OMA1: variants seen among roughly 807,000 people sequenced by gnomAD.
OMA1 encodes the protein OMA1 zinc metallopeptidase.
In OMA1, 38 loss-of-function variants were observed where a neutral mutation model predicts 30.9. The observed-to-expected ratio is 1.23, with a 90% CI of 0.95 to 1.61. The LOEUF (loss-of-function observed/expected upper bound fraction) is 1.61, where lower values mean the gene tolerates loss of function less well. Among genes scored for constraint, OMA1 ranks in the 40% most tolerant of loss-of-function variants. The pLI is 0.00. For missense variants in OMA1, 461 were observed against 349.2 expected (o/e 1.32, Z -2.55); for synonymous variants, 173 against 121.9 (o/e 1.42, Z -2.76).
chr1:58,525,880 G>C (rs1347430425), intron 7 of OMA1, among the ~76,000 whole-genome samples: 1 of 151,988 alleles, frequency 6.6e-6, no homozygotes, highest in African/African-American at 2.4e-5. Flanking sequence ...GAACAGAATA[G>C]TGTGTCTAGA....
In OMA1 at chr1:58,494,177, C is replaced by T. The variant is rs555090665; in HGVS notation, c.1365+11883G>A. Reference sequence around the variant, plus strand: ...AAATAAGAAATGGGGAAAGGATTCCCTCTTTAATAAATGGTGCTGGGAAAA... The same window carrying T: ...AAATAAGAAATGGGGAAAGGATTCCTTCTTTAATAAATGGTGCTGGGAAAA... On this transcript the variant is annotated intron_variant, in intron 8 of 8. Transcript: ENST00000371226. 1.6e-3 allele frequency among the ~76,000 whole-genome samples: 249 copies of T among 152,310 alleles called. 1 individual carries two copies. Among genetic ancestry groups the T allele is most frequent in the African/African-American group, 5.8e-3 (243 of 41,558 alleles).
At chr1:58,521,378 G>A (rs915601197) in intron 7 of OMA1, among the ~76,000 whole-genome samples, 4 of 150,966 alleles carry the variant, frequency 2.6e-5, no homozygotes, top group Non-Finnish European at 4.4e-5. Context: ...TCTTAAGTTA[G>A]GGAAAGAACC....
chr1:58,481,298 G>T (rs149501129), intron 8 of OMA1, 124 bp from the exon 9 acceptor site: 3 of 411,844 alleles, frequency 7.3e-6, no homozygotes, highest in Admixed American at 4.2e-5. Context: ...TTAATAAAAG[G>T]TATCTTGATT....
chr1:58,487,910 TCTC>T (rs111787440), intron 8 of OMA1, among the ~76,000 whole-genome samples: 7,317 of 152,220 alleles, frequency 0.048, 218 homozygotes, highest in African/African-American at 0.063. Flanking sequence ...CCGTACCTCT[TCTC>T]CTGATCCTAT....
chr1:58,493,890 C>G (rs1357759189), intron 8 of OMA1, among the ~76,000 whole-genome samples: 2 of 150,992 alleles, frequency 1.3e-5, no homozygotes, highest in African/African-American at 4.9e-5. Flanking sequence ...CTACCAATGA[C>G]TTTCTTCACA....
intron 6 of OMA1, 46 bp downstream of exon 6, chr1:58,530,555 C>A: frequency 1.2e-6 from 1 of 824,994 alleles, no homozygotes; most frequent in Non-Finnish European, 2.1e-6. Flanking sequence ...ATTAAAATAT[C>A]TTCACCAGAG....
At chr1:58,501,424 G>A (rs1431263498) in intron 8 of OMA1, among the ~76,000 whole-genome samples, 1 of 152,146 alleles carries the variant, frequency 6.6e-6, no homozygotes, top group African/African-American at 2.4e-5. Flanking sequence ...CACTCCTCCA[G>A]TCCTCTGCTC....
Position 58,518,281 on chromosome 1 carries a change from A to G in OMA1, c.1215+8980T>C, listed in dbSNP as rs1446966290. The stretch of plus-strand genomic sequence containing the variant: ...GAGGGGAGAGGAGAGAGGAGAGGAG[A>G]AGAGAAGAGAAGAGAAGAGAAGAGA... On this transcript the variant is annotated intron_variant, in intron 7 of 8. Coordinates refer to ENST00000371226, the MANE Select transcript of OMA1 (RefSeq NM_145243.5). Among the ~76,000 whole-genome samples, 5 of 5,916 alleles carry G rather than the reference A, an allele frequency of 8.5e-4. 1 individual carries two copies. The highest frequency in any genetic ancestry group is 2.7e-3 in the African/African-American group (3 of 1,098). The allele number at this position is 5,916 out of a possible 152,430, so 3.9% of individuals were successfully genotyped here. A position where few individuals can be genotyped will look rare whatever the true frequency, so the allele number is the denominator to read the frequency against.
At chr1:58,487,920 C>T (rs909888510) in intron 8 of OMA1, among the ~76,000 whole-genome samples, 5 of 152,138 alleles carry the variant, frequency 3.3e-5, no homozygotes, top group Non-Finnish European at 7.4e-5. Flanking sequence ...TCTCCTGATC[C>T]TATTTACATT....
At chr1:58,498,048 A>G (rs762135796) in intron 8 of OMA1, among the ~76,000 whole-genome samples, 2 of 152,140 alleles carry the variant, frequency 1.3e-5, no homozygotes, top group Non-Finnish European at 2.9e-5. Context: ...CCTCCCCTAT[A>G]AGGCCCTGAT....
intron 7 of OMA1, among the ~76,000 whole-genome samples, chr1:58,516,203 C>G (rs1411238571): frequency 6.6e-6 from 1 of 152,188 alleles, no homozygotes; most frequent in African/African-American, 2.4e-5. Context: ...AACAATCATA[C>G]ACCATGTCAT....
At chr1:58,520,812 A>G (rs1646250149) in intron 7 of OMA1, among the ~76,000 whole-genome samples, 2 of 152,204 alleles carry the variant, frequency 1.3e-5, no homozygotes. Flanking sequence ...TGTACACGGC[A>G]AAAATTAATA....
At chr1:58,487,959 T>C (rs1367298201) in intron 8 of OMA1, among the ~76,000 whole-genome samples, 2 of 152,218 alleles carry the variant, frequency 1.3e-5, no homozygotes, top group African/African-American at 4.8e-5. Flanking sequence ...CTAATGATTA[T>C]GACTTTGACT....
At chr1:58,536,812 C>T (rs1271473577) in intron 2 of OMA1, 71 bp from the exon 3 acceptor site, 1 of 769,468 alleles carries the variant, frequency 1.3e-6, no homozygotes, top group East Asian at 2.4e-5. Flanking sequence ...CAAATGCATA[C>T]ACTAGAATTT....
intron 7 of OMA1, among the ~76,000 whole-genome samples, chr1:58,519,141 C>T (rs1646220256): frequency 6.6e-6 from 1 of 152,150 alleles, no homozygotes; most frequent in Non-Finnish European, 1.5e-5. Context: ...GTATAAGGGT[C>T]ATAACAGAGA....
intron 1 of OMA1, among the ~76,000 whole-genome samples, chr1:58,544,665 G>A (rs1017106822): frequency 6.6e-6 from 1 of 152,114 alleles, no homozygotes; most frequent in African/African-American, 2.4e-5. Flanking sequence ...TGCCACCTCG[G>A]CTCACTGCAA....
intron 8 of OMA1, among the ~76,000 whole-genome samples, chr1:58,490,038 T>G (rs1365007255): frequency 6.6e-6 from 1 of 152,248 alleles, no homozygotes; most frequent in South Asian, 2.1e-4. Context: ...AGAGTGCCTC[T>G]CCTCCTCCAA....
At chr1:58,517,945 A>G (rs1353338516) in intron 7 of OMA1, among the ~76,000 whole-genome samples, 4 of 151,542 alleles carry the variant, frequency 2.6e-5, no homozygotes, top group Admixed American at 2.6e-4. Context: ...CCAGCACTTT[A>G]GGAGGCCAAA....
At chr1:58,503,116 A>G (rs1645932497) in intron 8 of OMA1, among the ~76,000 whole-genome samples, 1 of 152,368 alleles carries the variant, frequency 6.6e-6, no homozygotes, top group East Asian at 1.9e-4. Context: ...GAGTCTTCAC[A>G]TGAAAAGTTG....
Sources: gnomAD v4.1 joint callset for allele counts (sites outside exome capture counted in the v4.1 genomes callset) on GRCh38, gnomAD v4.1.1 for gene constraint, MANE v1.5 for transcripts, NCBI Gene and HGNC (gene_info 2026-07-23, HGNC 2026-07-21) for gene names.